MYBL1: variants seen among roughly 807,000 people sequenced by gnomAD.
MYBL1 encodes MYB proto-oncogene like 1.
MYBL1 carries 17 observed loss-of-function variants against 96.3 expected under a neutral mutation model. The observed-to-expected ratio is 0.18, with a 90% confidence interval of 0.12 to 0.26. The LOEUF (loss-of-function observed/expected upper bound fraction) is 0.26, where lower values mean the gene tolerates loss of function less well. Among genes scored for constraint, MYBL1 ranks in the 10% least tolerant of loss-of-function variants. The pLI is 1.00. For synonymous variants in MYBL1, 282 were observed against 292.7 expected, an observed-to-expected ratio of 0.96 and a Z score of 0.37; for missense variants, 701 against 882.9, an observed-to-expected ratio of 0.79 and a Z score of 2.61.
intron 8 of MYBL1, among the ~76,000 whole-genome samples, chr8:66,583,916 T>C (rs1196065821): frequency 2.0e-5 from 3 of 152,172 alleles, no homozygotes; most frequent in Non-Finnish European, 4.4e-5. Flanking sequence ...TTTCCAATTC[T>C]CTCAGAAAAC....
intron 9 of MYBL1, among the ~76,000 whole-genome samples, chr8:66,578,323 C>A (rs1325350529): frequency 6.6e-6 from 1 of 150,922 alleles, no homozygotes; most frequent in Admixed American, 6.6e-5. Context: ...ATTTTCGCAA[C>A]CTACTCATCT....
At chr8:66,591,093 A>C (rs1462832201) in intron 8 of MYBL1, among the ~76,000 whole-genome samples, 1 of 152,190 alleles carries the variant, frequency 6.6e-6, no homozygotes, top group Non-Finnish European at 1.5e-5. Context: ...CTCACGCCCT[A>C]ATCCCAGCAC....
intron 8 of MYBL1, among the ~76,000 whole-genome samples, chr8:66,585,625 C>T (rs1054482284): frequency 2.0e-5 from 3 of 152,092 alleles, no homozygotes; most frequent in Non-Finnish European, 2.9e-5. Context: ...CACCTGTAAT[C>T]CCAGCTACTC....
intron 1 of MYBL1, among the ~76,000 whole-genome samples, chr8:66,608,926 C>T (rs1810424217): frequency 1.3e-5 from 2 of 152,088 alleles, no homozygotes; most frequent in African/African-American, 4.8e-5. Flanking sequence ...CAGAATGATT[C>T]TGCCAGTTTA....
chr8:66,593,343 TTTC>T (rs1249806846), intron 6 of MYBL1, 149 bp from the exon 7 acceptor site: 6 of 488,664 alleles, frequency 1.2e-5, no homozygotes, highest in African/African-American at 5.9e-5. Context: ...CCTATAATAC[TTTC>T]TTATCTATTA....
intron 8 of MYBL1, among the ~76,000 whole-genome samples, chr8:66,587,505 T>C (rs935217444): frequency 1.3e-5 from 2 of 152,222 alleles, no homozygotes; most frequent in Admixed American, 6.5e-5. Context: ...CTAGGCAATT[T>C]ACTTATCTTG....
At position 66,602,518 on chromosome 8, in the gene MYBL1, T is replaced by A; in HGVS notation, c.26A>T (p.Asp9Val). 6.3e-7 allele frequency: 1 copy of A among 1,581,594 alleles called. No individual in the cohort carries two copies. Among genetic ancestry groups the A allele is most frequent in the East Asian group, 2.3e-5 (1 of 44,234 alleles). ...GGCATACTGAAGGTCATCATCCTCA[T>A]CCTCACTACAAAAAAAACACAATTT... MAKRSRSE[D>V]EDDDLQYADH... Residue 9 changes from aspartate (D) to valine (V), a missense_variant, in exon 2 of 16, where the codon GAT becomes GTT. Physicochemically the swap from Asp to Val is radical, Grantham distance 152. Coordinates refer to ENST00000522677, the MANE Select transcript of MYBL1 (RefSeq NM_001080416.4).
At chr8:66,578,221 T>C (rs1809046712) in intron 9 of MYBL1, among the ~76,000 whole-genome samples, 1 of 151,286 alleles carries the variant, frequency 6.6e-6, no homozygotes, top group Non-Finnish European at 1.5e-5. Context: ...AAAGACAAAA[T>C]TGACAAATGG....
At chr8:66,599,014 C>G (rs779628870) in intron 4 of MYBL1, 36 bp downstream of exon 4, 40 of 1,363,198 alleles carry the variant, frequency 2.9e-5, no homozygotes, top group Non-Finnish European at 2.0e-6. Context: ...AGCTAGTCTA[C>G]CTACATAGTG....
chr8:66,595,823 T>TC, intron 5 of MYBL1, 66 bp from the exon 6 acceptor site: 1 of 1,070,374 alleles, frequency 9.3e-7, no homozygotes, highest in Non-Finnish European at 1.3e-6. Flanking sequence ...CTGTGTTAAC[T>TC]TGTACAAAGT....
chr8:66,594,448 C>A (rs1809773828), intron 6 of MYBL1, among the ~76,000 whole-genome samples: 1 of 151,952 alleles, frequency 6.6e-6, no homozygotes, highest in South Asian at 2.1e-4. Context: ...ATGAATATAT[C>A]TAAATTAAAA....
chr8:66,602,467 T>C lies in MYBL1; in HGVS notation c.77A>G (p.Gln26Arg). Residue 26 changes from glutamine (Q) to arginine (R), a missense_variant, in exon 2 of 16, where the codon CAA (glutamine) becomes CGA (arginine). Coordinates refer to ENST00000522677, the MANE Select transcript of MYBL1 (RefSeq NM_001080416.4). ...YADHDYEVPQ[Q>R]KGLKKLWNRV... ...GTTCCAGAGTTTCTTCAGTCCTTTT[T>C]GTTGTGGTACTTCATAATCATGATC... 6.2e-7 allele frequency: 1 copy of C among 1,609,390 alleles called. No homozygotes were observed. The highest frequency in any genetic ancestry group is 8.5e-7 in the Non-Finnish European group (1 of 1,177,180).
In MYBL1 at chr8:66,564,732, C is replaced by A; in HGVS notation, c.2224G>T (p.Ala742Ser). The A allele has an allele frequency of 6.3e-7, 1 of 1,583,992 alleles. No homozygotes were observed. ...AGAGCTCTTGAAGTACTACTGGTAG[C>A]TGTGTAAGTACTCAGATATCTTCTT... ...QARRYLSTYT[A>S]TSSTSRALIL The change falls in exon 16 of 16, where the codon GCT becomes TCT. Residue 742 changes from alanine to serine, a missense_variant. Ala to Ser is a moderately conservative substitution (Grantham distance 99). This residue lies in a region of MYBL1 where 137 missense variants were observed against 137.5 expected (regional missense o/e 1.00). Transcript: ENST00000522677.
At chr8:66,587,116 G>A (rs1001896048) in intron 8 of MYBL1, among the ~76,000 whole-genome samples, 2 of 152,110 alleles carry the variant, frequency 1.3e-5, no homozygotes, top group Non-Finnish European at 2.9e-5. Context: ...AACTAGAGAG[G>A]AGGAGTAAGT....
chr8:66,586,018 C>T (rs1809404123), intron 8 of MYBL1, among the ~76,000 whole-genome samples: 1 of 147,132 alleles, frequency 6.8e-6, no homozygotes, highest in Admixed American at 6.8e-5. Context: ...TAATAATAAT[C>T]TGGTTTGGGT....
At chr8:66,601,589 G>T in intron 3 of MYBL1, 109 bp downstream of exon 3, 1 of 621,940 alleles carries the variant, frequency 1.6e-6, no homozygotes, top group Non-Finnish European at 2.8e-6. Flanking sequence ...GATGTTTTTA[G>T]GAAGGAAACC....
chr8:66,589,698 G>A (rs1219223632), intron 8 of MYBL1, among the ~76,000 whole-genome samples: 2 of 151,958 alleles, frequency 1.3e-5, no homozygotes, highest in African/African-American at 4.8e-5. Context: ...TGCCAAGGCT[G>A]GTCTCAAACT....
chr8:66,581,197 AT>A (rs1173957123), intron 8 of MYBL1, among the ~76,000 whole-genome samples: 1 of 152,150 alleles, frequency 6.6e-6, no homozygotes, highest in African/African-American at 2.4e-5. Context: ...TATCTGCTTC[AT>A]TTATAATAAT....
rs1808381190 is a variant in MYBL1 at position 66,562,911 on chromosome 8, T to C, written c.*1786A>G. On this transcript the variant is annotated 3_prime_UTR_variant, in exon 16 of 16. Coordinates refer to ENST00000522677, the MANE Select transcript of MYBL1 (RefSeq NM_001080416.4). ...TACATTTTCTTCACTTCTCACTATA[T>C]ATATATATAAATATATATATATATA... 3 of 148,510 alleles carry C rather than the reference T, an allele frequency of 2.0e-5. No homozygotes were observed. Among genetic ancestry groups the C allele is most frequent in the African/African-American group, 7.3e-5 (3 of 40,874 alleles). 9.2% of individuals were successfully genotyped at this position (148,510 alleles called of 1,614,324 possible). A position where few individuals can be genotyped will look rare whatever the true frequency, so the allele number is the denominator to read the frequency against.
Sources: allele counts gnomAD v4.1 joint callset (sites outside exome capture counted in the v4.1 genomes callset), GRCh38; gene constraint gnomAD v4.1.1; regional missense constraint gnomAD v4.1.1; transcripts MANE v1.5; gene names NCBI Gene and HGNC (gene_info 2026-07-23, HGNC 2026-07-21).